GRID1: variants seen among roughly 807,000 people sequenced by gnomAD.
The protein encoded by GRID1 is glutamate ionotropic receptor delta type subunit 1.
GRID1 carries 28 observed loss-of-function variants against 98.0 expected under a neutral mutation model. The observed-to-expected ratio is 0.29, with a 90% CI of 0.21 to 0.39. The LOEUF is 0.39. Among genes scored for constraint, GRID1 ranks in the 10% least tolerant of loss-of-function variants. The probability of loss-of-function intolerance (pLI) is 1.00; values close to 1 mark genes in which losing one functional copy is unlikely to be tolerated. For synonymous variants in GRID1, 553 were observed against 538.5 expected (o/e 1.03, Z -0.37); for missense variants, 1,111 against 1,340.5 (o/e 0.83, Z 2.67).
At chr10:85,940,084 AAAAAG>A (rs1296946206) in intron 4 of GRID1, among the ~76,000 whole-genome samples, 13 of 151,374 alleles carry the variant, frequency 8.6e-5, no homozygotes, top group South Asian at 2.1e-4. Flanking sequence ...AAAAAAAAAA[AAAAAG>A]AGAGAGAGAG....
intron 13 of GRID1, chr10:85,646,816 G>T (rs964970545): frequency 4.1e-6 from 1 of 246,258 alleles, no homozygotes; most frequent in Admixed American, 4.7e-5. Context: ...AACCACAGTG[G>T]GCCCACCCTC....
intron 3 of GRID1, among the ~76,000 whole-genome samples, chr10:86,203,990 C>G (rs984776781): frequency 2.6e-5 from 4 of 152,134 alleles, no homozygotes; most frequent in Admixed American, 1.3e-4. Context: ...TATGGAATTA[C>G]TGATAAGGAG....
intron 8 of GRID1, among the ~76,000 whole-genome samples, chr10:85,755,791 G>C (rs553313156): frequency 4.8e-4 from 73 of 152,182 alleles, no homozygotes; most frequent in Non-Finnish European, 7.8e-4. Flanking sequence ...AGATGGAAAA[G>C]GTCTGGAACA....
chr10:86,190,976 A>G (rs1344103217), intron 3 of GRID1, among the ~76,000 whole-genome samples: 1 of 152,182 alleles, frequency 6.6e-6, no homozygotes, highest in Non-Finnish European at 1.5e-5. Flanking sequence ...GCCTGTGTGA[A>G]CACACATGCA....
chr10:85,871,566 G>A (rs1843278602), intron 5 of GRID1, among the ~76,000 whole-genome samples: 1 of 152,222 alleles, frequency 6.6e-6, no homozygotes, highest in African/African-American at 2.4e-5. Context: ...TTTGAAATAA[G>A]TCTTAAATCT....
rs2132709397 is a variant in GRID1 at position 85,770,053 on chromosome 10, G to C, written c.1234-40439C>G. ...TGGGACCCTAACCCCTGACCCCTGA[G>C]CAGCCTAACTGAGAGGCACCCCCCA... is the stretch of plus-strand genomic sequence containing the variant. On this transcript the variant is annotated intron_variant, in intron 8 of 15. Coordinates refer to ENST00000327946, the MANE Select transcript of GRID1 (RefSeq NM_017551.3). 2.6e-5 allele frequency among the ~76,000 whole-genome samples: 4 copies of C among 152,304 alleles called. No homozygotes were observed. The Middle Eastern group carries it at 0.014, about 518-fold the overall frequency.
intron 3 of GRID1, among the ~76,000 whole-genome samples, chr10:86,179,155 G>A (rs372132573): frequency 1.2e-4 from 18 of 151,834 alleles, no homozygotes; most frequent in Non-Finnish European, 2.4e-4. Context: ...CTAAGTTCCC[G>A]GGCCTCCACT....
intron 2 of GRID1, among the ~76,000 whole-genome samples, chr10:86,339,084 T>A (rs1329077627): frequency 1.3e-5 from 2 of 152,094 alleles, no homozygotes; most frequent in African/African-American, 2.4e-5. Context: ...AAAGGCAAGC[T>A]CCACGTACCA....
chr10:86,288,262 T>C (rs1159906933), intron 2 of GRID1, among the ~76,000 whole-genome samples: 4 of 152,132 alleles, frequency 2.6e-5, no homozygotes, highest in African/African-American at 9.7e-5. Context: ...CAGTAACTCC[T>C]CAGCTGGAGC....
intron 13 of GRID1, among the ~76,000 whole-genome samples, chr10:85,635,359 A>T (rs1250933129): frequency 6.6e-6 from 1 of 152,174 alleles, no homozygotes; most frequent in African/African-American, 2.4e-5. Context: ...TTGTATGGCA[A>T]CTGGCTCTAG....
chr10:85,713,044 A>C (rs1319151678), intron 12 of GRID1, among the ~76,000 whole-genome samples: 1 of 151,676 alleles, frequency 6.6e-6, no homozygotes, highest in East Asian at 1.9e-4. Context: ...AGTTAGCAGA[A>C]AGAGGAAAAT....
chr10:85,820,027 A>AGGCAGGC (rs1564600205), intron 8 of GRID1, among the ~76,000 whole-genome samples: 7 of 66,520 alleles, frequency 1.1e-4, no homozygotes, highest in East Asian at 9.4e-4. Context: ...GGAAGGAAGG[A>AGGCAGGC]AGGCAGGCAG....
At position 85,976,669 on chromosome 10, in the gene GRID1, T is replaced by C. The variant is rs543356419; in HGVS notation, c.727-60430A>G. Among the ~76,000 whole-genome samples, 7 of 152,340 alleles carry C rather than the reference T, an allele frequency of 4.6e-5. No individual in the cohort carries two copies. In the South Asian group the frequency reaches 1.0e-3, roughly 23 times the overall value. On this transcript the variant is annotated intron_variant, in intron 4 of 15. Transcript: ENST00000327946. ...ATTCCAGGATGATATGCAGGAGACG[T>C]AGCCCTCGTCCAGTTCCCCAGTGTC...
chr10:85,919,461 AAGG>A (rs1209819151), intron 4 of GRID1, among the ~76,000 whole-genome samples: 2 of 148,136 alleles, frequency 1.4e-5, no homozygotes, highest in East Asian at 2.6e-4. Flanking sequence ...AGATGGAGAG[AAGG>A]AGAAGCTACA....
rs534805632 is a variant in GRID1, at chr10:86,238,496, C to T, written c.236-31848G>A. 2.0e-5 allele frequency among the ~76,000 whole-genome samples: 3 copies of T among 152,122 alleles called. No individual in the cohort carries two copies. The East Asian group carries it at 5.8e-4, about 29-fold the overall frequency. ...CCCCCGTCTCTACTAAAAATACAACCCCATCTCTACTAAAAATACAAAAAT... is the reference window on the plus strand; with the variant it reads ...CCCCCGTCTCTACTAAAAATACAACTCCATCTCTACTAAAAATACAAAAAT... On this transcript the variant is annotated intron_variant, in intron 2 of 15. Coordinates refer to ENST00000327946, the MANE Select transcript of GRID1 (RefSeq NM_017551.3).
At chr10:86,174,259 C>A (rs1252656444) in intron 3 of GRID1, among the ~76,000 whole-genome samples, 8 of 152,088 alleles carry the variant, frequency 5.3e-5, no homozygotes, top group East Asian at 1.9e-4. Context: ...AGGCTACAGT[C>A]ACGAAAACAG....
At chr10:86,356,618 A>G (rs1333328286) in intron 2 of GRID1, among the ~76,000 whole-genome samples, 1 of 152,252 alleles carries the variant, frequency 6.6e-6, no homozygotes, top group South Asian at 2.1e-4. Flanking sequence ...CTGACCGGCA[A>G]TGGACACACA....
chr10:86,143,185 AG>A (rs1206945083), intron 3 of GRID1, among the ~76,000 whole-genome samples: 1 of 152,138 alleles, frequency 6.6e-6, no homozygotes, highest in Non-Finnish European at 1.5e-5. Flanking sequence ...TTGGCTGACA[AG>A]GTCAACTCTC....
intron 3 of GRID1, among the ~76,000 whole-genome samples, chr10:86,205,698 T>C (rs970154460): frequency 1.3e-5 from 2 of 152,226 alleles, no homozygotes; most frequent in Non-Finnish European, 2.9e-5. Flanking sequence ...AACCATTCTA[T>C]CTCAGGATTA....
Sources: gnomAD v4.1 joint callset for allele counts (sites outside exome capture counted in the v4.1 genomes callset) on GRCh38, gnomAD v4.1.1 for gene constraint, MANE v1.5 for transcripts, NCBI Gene and HGNC (gene_info 2026-07-23, HGNC 2026-07-21) for gene names.